Variants in MYO18B observed in about 807,000 individuals in gnomAD.
MYO18B encodes the protein myosin XVIIIB, also known as unconventional myosin-XVIIIb.
Under a neutral mutation model 273.0 loss-of-function variants are expected in MYO18B, and 204 were observed. The ratio of observed to expected loss-of-function variants is 0.75; its 90% CI spans 0.67 to 0.84. The LOEUF is 0.84. Among genes scored for constraint, MYO18B ranks in the 40% least tolerant of loss-of-function variants. MYO18B has a pLI of 0.00. For missense variants in MYO18B, 3,212 were observed against 3,287.6 expected (o/e 0.98, Z 0.56); for synonymous variants, 1,330 against 1,305.7 (o/e 1.02, Z -0.40).
At chr22:25,811,935 TG>T (rs2088780736) in intron 12 of MYO18B, among the ~76,000 whole-genome samples, 1 of 152,208 alleles carries the variant, frequency 6.6e-6, no homozygotes, top group South Asian at 2.1e-4. Flanking sequence ...CCTCCCTGGA[TG>T]TTAACACGGA....
At chr22:25,823,433 G>A (rs150439447) in intron 12 of MYO18B, 72 bp from the exon 13 acceptor site, 3 of 1,484,544 alleles carry the variant, frequency 2.0e-6, no homozygotes, top group African/African-American at 2.8e-5. Flanking sequence ...GATTCTCCGA[G>A]GTCCTCTCGG....
chr22:25,814,440 C>T (rs1030753471), intron 12 of MYO18B, among the ~76,000 whole-genome samples: 1 of 151,324 alleles, frequency 6.6e-6, no homozygotes, highest in African/African-American at 2.4e-5. Flanking sequence ...CTGTCTCAGC[C>T]TCCCAGGTAG....
intron 12 of MYO18B, among the ~76,000 whole-genome samples, chr22:25,821,412 G>C (rs1601799366): frequency 6.6e-6 from 1 of 151,960 alleles, no homozygotes; most frequent in Non-Finnish European, 1.5e-5. Flanking sequence ...CTGATGATTA[G>C]AGATGTTGAA....
chr22:26,046,857 G>C, the MYO18B span, among the ~76,000 whole-genome samples: 2 of 152,140 alleles, frequency 1.3e-5, no homozygotes, highest in African/African-American at 4.8e-5. Context: ...ATTTCCCACT[G>C]GGGTAGCTGG....
Position 25,890,831 on chromosome 22 carries a change from C to G in MYO18B, c.4390C>G (p.Arg1464Gly). ...GGCCTGCCAGGTGCTGGAGAGTGAG[C>G]GGGCAGAGCGGCTACAGGCCTTCCG... is the stretch of plus-strand genomic sequence containing the variant. ...DVACQVLESE[R>G]AERLQAFREV... is the part of the protein sequence containing the mutation. Residue 1464 changes from arginine to glycine, a missense_variant, in exon 26 of 44, where the codon CGG becomes GGG. Transcript: ENST00000335473. 6.2e-7 allele frequency: 1 copy of G among 1,613,850 alleles called. No homozygotes were observed. The highest frequency in any genetic ancestry group is 1.1e-5 in the South Asian group (1 of 91,068).
chr22:25,992,731 A>G (rs537230089), intron 40 of MYO18B, among the ~76,000 whole-genome samples: 9 of 152,356 alleles, frequency 5.9e-5, no homozygotes, highest in South Asian at 2.1e-4. Flanking sequence ...TGGTGAGGCA[A>G]TGTGACTGGA....
chr22:26,012,441 C>T (rs2146951413), intron 42 of MYO18B, among the ~76,000 whole-genome samples: 1 of 152,214 alleles, frequency 6.6e-6, no homozygotes, highest in South Asian at 2.1e-4. Context: ...TTTATGTCTT[C>T]CTAGGACATA....
At position 25,769,055 on chromosome 22, in the gene MYO18B, G is replaced by T. The variant is rs2145587333; in HGVS notation, c.1139G>T (p.Ser380Ile). 6.2e-7 allele frequency: 1 copy of T among 1,612,308 alleles called. No individual in the cohort carries two copies. Among genetic ancestry groups the T allele is most frequent in the East Asian group, 2.2e-5 (1 of 44,842 alleles). Reference protein sequence around the residue: ...RMGEKAGELRSTTGKAGESWD... With the variant: ...RMGEKAGELRITTGKAGESWD... ...GGGGAGAAAGCAGGTGAGCTTCGGAGCACGACTGGGAAGGCAGGTGAGTCC... is the reference window on the plus strand; with the variant it reads ...GGGGAGAAAGCAGGTGAGCTTCGGATCACGACTGGGAAGGCAGGTGAGTCC... The change falls in exon 4 of 44, where the codon AGC becomes ATC. Residue 380 changes from serine (S) to isoleucine (I), a missense_variant. Coordinates refer to ENST00000335473, the MANE Select transcript of MYO18B (RefSeq NM_032608.7).
In MYO18B at chr22:25,777,451, G is replaced by A. The variant is rs981662557; in HGVS notation, c.1870-132G>A. The A allele has an allele frequency of 3.5e-6, 3 of 860,996 alleles. No individual in the cohort carries two copies. In the African/African-American group the frequency reaches 5.2e-5, roughly 15 times the overall value. 53.3% of individuals were successfully genotyped at this position (860,996 alleles called of 1,614,324 possible). A position where few individuals can be genotyped will look rare whatever the true frequency, so the allele number is the denominator to read the frequency against. On this transcript the variant is annotated intron_variant, in intron 7 of 43. Coordinates refer to ENST00000335473, the MANE Select transcript of MYO18B (RefSeq NM_032608.7). ...CTCCTCCTAGTCGAGTAGGAAGGGA[G>A]TCAGGGATCTGGAGGCAGATCTGGA...
chr22:25,896,415 C>T (rs1190744098), intron 28 of MYO18B: 1 of 152,114 alleles, frequency 6.6e-6, no homozygotes, highest in East Asian at 1.9e-4. Flanking sequence ...CTGTCTCTGT[C>T]TGGGCATTGA....
chr22:25,916,402 A>C (rs950956477), intron 33 of MYO18B, among the ~76,000 whole-genome samples: 2 of 152,262 alleles, frequency 1.3e-5, no homozygotes, highest in Middle Eastern at 3.4e-3. Flanking sequence ...TTTTAGTATT[A>C]AAATGTTTAA....
intron 39 of MYO18B, among the ~76,000 whole-genome samples, chr22:25,973,267 T>C (rs558720714): frequency 3.3e-5 from 5 of 152,240 alleles, no homozygotes; most frequent in Non-Finnish European, 2.9e-5. Flanking sequence ...AATGGGGTGG[T>C]GGTGGTGGCT....
At chr22:25,887,198 G>A (rs2091525867) in intron 25 of MYO18B, among the ~76,000 whole-genome samples, 1 of 152,126 alleles carries the variant, frequency 6.6e-6, no homozygotes. Flanking sequence ...CTCTCTGACT[G>A]GCCAGTGGGG....
intron 40 of MYO18B, among the ~76,000 whole-genome samples, chr22:25,994,406 T>C (rs4820667): frequency 0.62 from 93,946 of 152,122 alleles, 30,757 homozygotes; most frequent in African/African-American, 0.81. Flanking sequence ...TTTGAGGCTG[T>C]GGTGAGCTGT....
rs1445430881 is a variant in MYO18B, at chr22:25,891,309, G to A, written c.4440G>A (p.Lys1480=). The change falls in exon 27 of 44, where the codon AAG becomes AAA. Residue 1480 remains lysine (K), a synonymous_variant. Transcript: ENST00000335473. ...CCTTGAGCCCTTTCTTCTAGAGCAA[G>A]CATGAACAAGTCCAGAAAAAACTGG... ...AFREVQELKS[K]HEQVQKKLGD... is the part of the protein sequence containing the mutation. The A allele has an allele frequency of 1.1e-5, 17 of 1,566,882 alleles. No homozygotes were observed. Among genetic ancestry groups the A allele is most frequent in the Non-Finnish European group, 1.5e-5 (17 of 1,154,928 alleles).
chr22:26,036,830 G>C, the MYO18B span, among the ~76,000 whole-genome samples: 1 of 152,208 alleles, frequency 6.6e-6, no homozygotes, highest in Non-Finnish European at 1.5e-5. Flanking sequence ...GGTAAAGTGA[G>C]TCAGTGTCTG....
intron 33 of MYO18B, among the ~76,000 whole-genome samples, chr22:25,920,762 C>A (rs1335022195): frequency 6.6e-6 from 1 of 152,182 alleles, no homozygotes; most frequent in Non-Finnish European, 1.5e-5. Context: ...TAAAACAACA[C>A]CCAGATCAAT....
rs149512997 is a variant in MYO18B, at chr22:25,796,402, T to C, written c.2377-1551T>C. Reference sequence around the variant, plus strand: ...GAGTTCAAGACTAGCCTGGGCAACATAGCGAGACCCCATCTGTAAAAAAAA... The same window carrying C: ...GAGTTCAAGACTAGCCTGGGCAACACAGCGAGACCCCATCTGTAAAAAAAA... On this transcript the variant is annotated intron_variant, in intron 11 of 43. Coordinates refer to ENST00000335473, the MANE Select transcript of MYO18B (RefSeq NM_032608.7). Among the ~76,000 whole-genome samples, 66 of 151,790 alleles carry C rather than the reference T, an allele frequency of 4.3e-4. No homozygotes were observed. In the East Asian group the frequency reaches 0.011, roughly 25 times the overall value.
At chr22:25,799,103 C>T (rs556045767) in intron 12 of MYO18B, among the ~76,000 whole-genome samples, 4 of 150,106 alleles carry the variant, frequency 2.7e-5, no homozygotes, top group Admixed American at 6.7e-5. Flanking sequence ...TCTATCCTTA[C>T]TGTTATCACC....
Sources: gnomAD v4.1 joint callset for allele counts (sites outside exome capture counted in the v4.1 genomes callset) on GRCh38, gnomAD v4.1.1 for gene constraint, MANE v1.5 for transcripts, NCBI Gene and HGNC (gene_info 2026-07-23, HGNC 2026-07-21) for gene names.